Variants in SLC35F3 observed in about 807,000 individuals in gnomAD.
SLC35F3 encodes the protein solute carrier family 35 member F3.
A neutral mutation model predicts 49.9 loss-of-function variants in SLC35F3; 25 were observed. The ratio of observed to expected loss-of-function variants is 0.50; its 90% CI spans 0.37 to 0.70. SLC35F3 has a LOEUF of 0.70. SLC35F3 is among the 30% of genes least tolerant of loss of function. The pLI, the probability that SLC35F3 is intolerant of heterozygous loss-of-function variation, is 0.00. For synonymous variants in SLC35F3, 275 were observed against 265.4 expected, an observed-to-expected ratio of 1.04 and a Z score of -0.35; for missense variants, 525 against 639.8, an observed-to-expected ratio of 0.82 and a Z score of 1.94.
chr1:234,059,045 A>T (rs1056045250), intron 2 of SLC35F3, among the ~76,000 whole-genome samples: 1 of 152,144 alleles, frequency 6.6e-6, no homozygotes, highest in Non-Finnish European at 1.5e-5. Context: ...GATTCTAATC[A>T]TTTGAGTTTT....
At chr1:234,251,964 C>T (rs1183127467) in intron 3 of SLC35F3, among the ~76,000 whole-genome samples, 5 of 151,508 alleles carry the variant, frequency 3.3e-5, no homozygotes, top group African/African-American at 1.2e-4. Context: ...AGGTGTAAAA[C>T]CTGAAATCTT....
At chr1:233,961,438 CTTTTTTTTTTTCCTCTCTTTT>C (rs1662799566) in intron 2 of SLC35F3, among the ~76,000 whole-genome samples, 1 of 137,790 alleles carries the variant, frequency 7.3e-6, no homozygotes, top group Admixed American at 7.3e-5. Flanking sequence ...TTTCAGCTTT[CTTTTTTTTTTTCCTCTCTTTT>C]TTTTTTTTTT....
intron 2 of SLC35F3, among the ~76,000 whole-genome samples, chr1:233,950,520 CT>C (rs1558187194): frequency 7.1e-6 from 1 of 141,580 alleles, no homozygotes; most frequent in Non-Finnish European, 1.5e-5. Context: ...TCCTTCCTTC[CT>C]TTTTCCTTCC....
intron 2 of SLC35F3, among the ~76,000 whole-genome samples, chr1:234,169,164 T>G (rs1425749082): frequency 6.6e-6 from 1 of 152,198 alleles, no homozygotes; most frequent in East Asian, 1.9e-4. Context: ...CTCTGCCCTT[T>G]TCTTCTATTC....
intron 2 of SLC35F3, among the ~76,000 whole-genome samples, chr1:234,068,304 G>C (rs1308183771): frequency 6.6e-6 from 1 of 152,110 alleles, no homozygotes; most frequent in Non-Finnish European, 1.5e-5. Context: ...CTGCCTTTTG[G>C]TTTATGGCTT....
chr1:234,291,868 A>G (rs1668513696), intron 3 of SLC35F3, among the ~76,000 whole-genome samples: 1 of 152,344 alleles, frequency 6.6e-6, no homozygotes, highest in Admixed American at 6.5e-5. Flanking sequence ...AGCCAAAAAT[A>G]TTGGGAGCTA....
At chr1:233,972,111 A>G (rs1663004081) in intron 2 of SLC35F3, among the ~76,000 whole-genome samples, 1 of 152,330 alleles carries the variant, frequency 6.6e-6, no homozygotes, top group African/African-American at 2.4e-5. Context: ...TTTGGCCATG[A>G]CAACTAAGGT....
intron 3 of SLC35F3, among the ~76,000 whole-genome samples, chr1:234,280,087 A>G (rs913041554): frequency 6.6e-6 from 1 of 152,202 alleles, no homozygotes; most frequent in African/African-American, 2.4e-5. Context: ...AGAGCCACAC[A>G]GAGCCCTACC....
intron 2 of SLC35F3, among the ~76,000 whole-genome samples, chr1:233,938,197 AT>A (rs1346007918): frequency 6.6e-6 from 1 of 152,198 alleles, no homozygotes; most frequent in Non-Finnish European, 1.5e-5. Flanking sequence ...AAAAGTGGGC[AT>A]GATGTGGGGG....
At chr1:233,993,700 T>C (rs1053998225) in intron 2 of SLC35F3, among the ~76,000 whole-genome samples, 2 of 152,080 alleles carry the variant, frequency 1.3e-5, no homozygotes, top group Non-Finnish European at 2.9e-5. Context: ...TGAAGTCTAG[T>C]TCAGTCACTA....
intron 2 of SLC35F3, among the ~76,000 whole-genome samples, chr1:234,012,637 T>C (rs1033918928): frequency 3.3e-5 from 5 of 152,248 alleles, no homozygotes; most frequent in African/African-American, 9.6e-5. Context: ...CCTTAAACCT[T>C]GATTTCATAC....
chr1:234,218,136 C>T (rs1667151185), intron 2 of SLC35F3, among the ~76,000 whole-genome samples: 1 of 152,184 alleles, frequency 6.6e-6, no homozygotes, highest in African/African-American at 2.4e-5. Flanking sequence ...AGATCCTTTG[C>T]TTGGCTTTCC....
intron 2 of SLC35F3, among the ~76,000 whole-genome samples, chr1:234,220,482 C>T (rs534172112): frequency 2.6e-5 from 4 of 152,206 alleles, no homozygotes; most frequent in Admixed American, 6.5e-5. Flanking sequence ...GCTTCCTCCT[C>T]GCCATGAGCC....
At chr1:234,101,975 G>A (rs866331654) in intron 2 of SLC35F3, among the ~76,000 whole-genome samples, 9 of 152,296 alleles carry the variant, frequency 5.9e-5, no homozygotes, top group East Asian at 1.9e-4. Flanking sequence ...TTCCCATTCC[G>A]CTCCATAGAG....
chr1:233,980,783 C>A (rs1404946622), intron 2 of SLC35F3, among the ~76,000 whole-genome samples: 1 of 152,172 alleles, frequency 6.6e-6, no homozygotes, highest in Non-Finnish European at 1.5e-5. Context: ...ATCGTACTGT[C>A]AATTGTGATA....
chr1:233,918,788 C>G (rs1467831460), intron 2 of SLC35F3, among the ~76,000 whole-genome samples: 1 of 104,800 alleles, frequency 9.5e-6, no homozygotes, highest in African/African-American at 2.8e-5. Flanking sequence ...TTCTCTCTCT[C>G]TCTCTCTCTT....
rs143027673 is a variant in SLC35F3 at position 234,301,926 on chromosome 1, A to G, written c.609-7175A>G. Among the ~76,000 whole-genome samples the G allele has an allele frequency of 1.8e-3, 276 of 152,346 alleles. 1 individual carries two copies. Among genetic ancestry groups the G allele is most frequent in the African/African-American group, 6.3e-3 (264 of 41,580 alleles). On this transcript the variant is annotated intron_variant, in intron 3 of 7. Coordinates refer to ENST00000366618, the MANE Select transcript of SLC35F3 (RefSeq NM_173508.4). Reference sequence around the variant, plus strand: ...AAGCTGGAAGCCATCAGCCTCAGCAAACTAACACAGGAACAGAAAACCAAA... The same window carrying G: ...AAGCTGGAAGCCATCAGCCTCAGCAGACTAACACAGGAACAGAAAACCAAA...
intron 2 of SLC35F3, among the ~76,000 whole-genome samples, chr1:234,075,009 G>T (rs190357867): frequency 9.2e-5 from 14 of 152,250 alleles, no homozygotes; most frequent in African/African-American, 3.1e-4. Context: ...GAAAATTATG[G>T]CAATGAGGAC....
In SLC35F3 at chr1:233,983,460, A is replaced by G. The variant is rs1321923294; in HGVS notation, c.283+77702A>G. On this transcript the variant is annotated intron_variant, in intron 2 of 7. Coordinates refer to ENST00000366618, the MANE Select transcript of SLC35F3 (RefSeq NM_173508.4). ...CATAAAACATCTACAATCGATTTCT[A>G]TTTGTGCAGTACCCCCACAGAAGCA... Among the ~76,000 whole-genome samples, 6 of 152,210 alleles carry G rather than the reference A, an allele frequency of 3.9e-5. No homozygotes were observed. In the South Asian group the frequency reaches 6.2e-4, roughly 16 times the overall value.
Sources: allele counts gnomAD v4.1 joint callset (sites outside exome capture counted in the v4.1 genomes callset), GRCh38; gene constraint gnomAD v4.1.1; transcripts MANE v1.5; gene names NCBI Gene and HGNC (gene_info 2026-07-23, HGNC 2026-07-21).